NPIPA1: variants seen among roughly 807,000 people sequenced by gnomAD.
NPIPA1 encodes nuclear pore complex-interacting protein family member A1.
For synonymous variants in NPIPA1, 7 were observed against 88.0 expected, an observed-to-expected ratio of 0.08 and a Z score of 5.15; for missense variants, 22 against 232.2, an observed-to-expected ratio of 0.09 and a Z score of 5.88.
intron 1 of NPIPA1, among the ~76,000 whole-genome samples, chr16:14,940,131 C>T (rs563273584): frequency 2.4e-4 from 26 of 109,970 alleles, no homozygotes; most frequent in East Asian, 1.3e-3. Flanking sequence ...CCTGATCTCG[C>T]GGTCCACCCA....
At chr16:14,948,548 G>A (rs1965949027) in intron 4 of NPIPA1, among the ~76,000 whole-genome samples, 1 of 152,148 alleles carries the variant, frequency 6.6e-6, no homozygotes, top group Non-Finnish European at 1.5e-5. Context: ...GGAGTTAGTT[G>A]TGATGAATTG....
At chr16:14,947,276 G>A (rs1228565426) in intron 4 of NPIPA1, among the ~76,000 whole-genome samples, 1 of 152,236 alleles carries the variant, frequency 6.6e-6, no homozygotes, top group African/African-American at 2.4e-5. Context: ...CTAGTAGCAT[G>A]TTATCTTGCT....
chr16:14,938,095 C>G (rs1156956559), intron 1 of NPIPA1: 1 of 357,836 alleles, frequency 2.8e-6, no homozygotes, highest in Non-Finnish European at 5.1e-6. Flanking sequence ...TTCCCCTCCC[C>G]CTCCCCTCCC....
intron 2 of NPIPA1, among the ~76,000 whole-genome samples, chr16:14,942,998 C>G (rs1965788466): frequency 6.6e-6 from 1 of 152,278 alleles, no homozygotes; most frequent in Non-Finnish European, 1.5e-5. Flanking sequence ...GTTTTACCGC[C>G]TAGATAATTA....
intron 1 of NPIPA1, among the ~76,000 whole-genome samples, chr16:14,938,736 T>C (rs1965684642): frequency 6.6e-6 from 1 of 151,984 alleles, no homozygotes; most frequent in African/African-American, 2.4e-5. Context: ...TCATCTGGTT[T>C]GATGACTTTT....
chr16:14,947,187 T>C, intron 4 of NPIPA1, among the ~76,000 whole-genome samples: 1 of 152,260 alleles, frequency 6.6e-6, no homozygotes, highest in Admixed American at 6.5e-5. Context: ...TACTACATTG[T>C]ATTTTGCTGC....
chr16:14,944,885 T>G (rs1965843779), intron 2 of NPIPA1, among the ~76,000 whole-genome samples: 1 of 151,528 alleles, frequency 6.6e-6, no homozygotes, highest in African/African-American at 2.4e-5. Flanking sequence ...ATTACAGGCG[T>G]GAGCTACCGC....
At chr16:14,951,523 A>G in intron 7 of NPIPA1, 92 bp from the exon 8 acceptor site, 1 of 665,862 alleles carries the variant, frequency 1.5e-6, no homozygotes. Context: ...AAAATCTATC[A>G]CCAGCAACAG....
At chr16:14,946,448 C>T (rs1486652946) in intron 4 of NPIPA1, among the ~76,000 whole-genome samples, 1 of 150,384 alleles carries the variant, frequency 6.6e-6, no homozygotes, top group Non-Finnish European at 1.5e-5. Flanking sequence ...TCTCGAACTT[C>T]TGACCTCAGG....
intron 1 of NPIPA1, among the ~76,000 whole-genome samples, chr16:14,940,700 T>G (rs1364610342): frequency 3.8e-5 from 5 of 131,286 alleles, no homozygotes; most frequent in African/African-American, 1.5e-4. Context: ...AGCAAGACTT[T>G]GTCTCAAAAC....
At chr16:14,947,313 G>A (rs1326720123) in intron 4 of NPIPA1, among the ~76,000 whole-genome samples, 1 of 152,116 alleles carries the variant, frequency 6.6e-6, no homozygotes, top group Non-Finnish European at 1.5e-5. Context: ...TCTACTTCTG[G>A]GGGATGGTCA....
chr16:14,942,823 C>G (rs1267053076), intron 2 of NPIPA1, among the ~76,000 whole-genome samples: 31 of 152,344 alleles, frequency 2.0e-4, no homozygotes, highest in Non-Finnish European at 4.0e-4. Context: ...GTCTTTTGAG[C>G]CTTTTTTCCT....
intron 2 of NPIPA1, among the ~76,000 whole-genome samples, chr16:14,943,046 AC>A (rs1965789699): frequency 6.6e-6 from 1 of 152,274 alleles, no homozygotes; most frequent in South Asian, 2.1e-4. Flanking sequence ...TATGTGGAAA[AC>A]AGAAAATATA....
chr16:14,944,256 C>T (rs1965824030), intron 2 of NPIPA1, among the ~76,000 whole-genome samples: 1 of 152,240 alleles, frequency 6.6e-6, no homozygotes, highest in African/African-American at 2.4e-5. Flanking sequence ...TATTTAATAT[C>T]TTCGAAGATT....
At chr16:14,945,267 TGA>T (rs756718292) in intron 2 of NPIPA1, among the ~76,000 whole-genome samples, 19,849 of 112,978 alleles carry the variant, frequency 0.18, 62 homozygotes, top group Middle Eastern at 0.27. Context: ...TGTGTGTGTG[TGA>T]GACAGAGTCT....
intron 2 of NPIPA1, among the ~76,000 whole-genome samples, chr16:14,942,892 T>G (rs1265596399): frequency 2.0e-5 from 3 of 152,282 alleles, no homozygotes; most frequent in Non-Finnish European, 2.9e-5. Flanking sequence ...AATGTGGTTG[T>G]GTGGGGGCTG....
At chr16:14,947,634 TCTC>T (rs1483070562) in intron 4 of NPIPA1, among the ~76,000 whole-genome samples, 2 of 149,822 alleles carry the variant, frequency 1.3e-5, no homozygotes, top group Non-Finnish European at 3.0e-5. Flanking sequence ...GTTTCCTTCT[TCTC>T]CATCTTCACC....
chr16:14,938,808 G>A (rs1190651089), intron 1 of NPIPA1, among the ~76,000 whole-genome samples: 24 of 151,640 alleles, frequency 1.6e-4, no homozygotes, highest in African/African-American at 3.6e-4. Flanking sequence ...GCAAGATCTC[G>A]GCTCACTGCA....
intron 1 of NPIPA1, among the ~76,000 whole-genome samples, chr16:14,938,576 C>A (rs1409185428): frequency 7.5e-6 from 1 of 133,076 alleles, no homozygotes; most frequent in Non-Finnish European, 1.6e-5. Context: ...GTGGTGCGTA[C>A]CTGTTATCCC....
Sources: allele counts gnomAD v4.1 joint callset (sites outside exome capture counted in the v4.1 genomes callset), GRCh38; gene constraint gnomAD v4.1.1; transcripts MANE v1.5; gene names NCBI Gene and HGNC (gene_info 2026-07-23, HGNC 2026-07-21).